The following TVP23B variants were observed in gnomAD, a reference collection of about 807,000 sequenced individuals.
TVP23B encodes the protein Golgi apparatus membrane protein TVP23 homolog B.
A neutral mutation model predicts 30.6 loss-of-function variants in TVP23B; 10 were observed. That is an observed-to-expected ratio of 0.33 (90% CI 0.20 to 0.55). The LOEUF (loss-of-function observed/expected upper bound fraction) is 0.55, where lower values mean the gene tolerates loss of function less well. TVP23B is among the 20% of genes least tolerant of loss of function. The probability of loss-of-function intolerance (pLI) is 0.91; values close to 1 mark genes in which losing one functional copy is unlikely to be tolerated. For missense variants in TVP23B, 153 were observed against 243.2 expected, an observed-to-expected ratio of 0.63 and a Z score of 2.47; for synonymous variants, 67 against 83.1, an observed-to-expected ratio of 0.81 and a Z score of 1.06.
rs532770025 is a variant in TVP23B, at chr17:18,781,529, C to G, written c.12+224C>G. On this transcript the variant is annotated intron_variant, in intron 1 of 6. Transcript: ENST00000307767. ...TGCGGCGCAGAGCAAGTACTTCTTG[C>G]GGCTGTGGGGACGCCCATTGTTAAC... 2,259 of 692,196 alleles carry G rather than the reference C, an allele frequency of 3.3e-3. 6 individuals carry two copies. The highest frequency in any genetic ancestry group is 4.4e-3 in the Non-Finnish European group (1,974 of 447,698). The allele number at this position is 692,196 out of a possible 1,614,324, so 42.9% of individuals were successfully genotyped here.
chr17:18,786,999 A>G (rs535135404), intron 1 of TVP23B, among the ~76,000 whole-genome samples: 28 of 149,010 alleles, frequency 1.9e-4, no homozygotes, highest in Admixed American at 4.0e-4. Flanking sequence ...GATCACAGTC[A>G]GCTGTATATT....
chr17:18,799,716 ATAT>A (rs2036128111), intron 5 of TVP23B, among the ~76,000 whole-genome samples: 1 of 151,958 alleles, frequency 6.6e-6, no homozygotes, highest in African/African-American at 2.4e-5. Flanking sequence ...TTTATATCTC[ATAT>A]TATTTTTTCT....
chr17:18,799,221 ACATAGTGGCTTAGAG>A (rs748799066), intron 5 of TVP23B: 1 of 115,848 alleles, frequency 8.6e-6, no homozygotes, highest in Non-Finnish European at 1.8e-5. Context: ...TCACTCCAAA[ACATAGTGGCTTAGAG>A]CAACAACAGC....
intron 1 of TVP23B, among the ~76,000 whole-genome samples, chr17:18,783,636 C>T: frequency 6.6e-6 from 1 of 152,088 alleles, no homozygotes; most frequent in African/African-American, 2.4e-5. Flanking sequence ...TGCCTAGTTG[C>T]ATGTTTACTC....
chr17:18,797,236 A>G (rs1261469267), intron 3 of TVP23B: 6 of 280,600 alleles, frequency 2.1e-5, no homozygotes, highest in Non-Finnish European at 3.5e-5. Context: ...ACATGTAGCT[A>G]TAGTCAGGAT....
At position 18,804,162 on chromosome 17, in the gene TVP23B, C is replaced by G. The variant is rs1442249944; in HGVS notation, c.487C>G (p.Leu163Val). 1.9e-6 allele frequency: 3 copies of G among 1,613,774 alleles called. No homozygotes were observed. In the Admixed American group the frequency reaches 5.0e-5, roughly 27 times the overall value. The change falls in exon 6 of 7, where the codon CTA becomes GTA. Residue 163 changes from leucine to valine, a missense_variant. By Grantham distance (32) the Leu-to-Val change is conservative. Transcript: ENST00000307767. ...GGCGGTGGTTATCATGGGTGTGGTG[C>G]TACAAGGTGCCAACCTGTATGGTTA... ...WLAVVIMGVV[L>V]QGANLYGYIR...
At chr17:18,787,272 A>G (rs2035921772) in intron 1 of TVP23B, among the ~76,000 whole-genome samples, 1 of 151,524 alleles carries the variant, frequency 6.6e-6, no homozygotes, top group African/African-American at 2.4e-5. Context: ...GCCGAGACAC[A>G]CTCCTGTAAT....
intron 3 of TVP23B, among the ~76,000 whole-genome samples, chr17:18,793,333 C>T (rs1410845340): frequency 1.3e-5 from 2 of 151,082 alleles, no homozygotes. Context: ...TATGGCTGGG[C>T]GCGGTGGCTC....
intron 6 of TVP23B, 21 bp from the exon 7 acceptor site, chr17:18,805,520 T>TC (rs1374142789): frequency 6.2e-7 from 1 of 1,601,426 alleles, no homozygotes; most frequent in Non-Finnish European, 8.5e-7. Context: ...TTAAGGAGTT[T>TC]TTTTTTTTTG....
intron 6 of TVP23B, 24 bp from the exon 7 acceptor site, chr17:18,805,517 G>GTTTTT (rs55974180): frequency 5.4e-6 from 8 of 1,491,564 alleles, no homozygotes; most frequent in African/African-American, 1.4e-5. Context: ...ATGTTAAGGA[G>GTTTTT]TTTTTTTTTT....
In TVP23B at chr17:18,804,342, T is replaced by C. The variant is rs548114486; in HGVS notation, c.591+76T>C. The C allele has an allele frequency of 2.1e-4, 314 of 1,490,660 alleles. 4 individuals are homozygous for C. The South Asian group carries it at 3.7e-3, about 18-fold the overall frequency. 92.3% of individuals were successfully genotyped at this position (1,490,660 alleles called of 1,614,324 possible). On this transcript the variant is annotated intron_variant, in intron 6 of 6. Transcript: ENST00000307767. ...TCATAGTTTAATTTTTATGAAACGC[T>C]CCTGAACAGAAGTTTTAAAGGCATA...
chr17:18,781,282 C>G lies in TVP23B; in HGVS notation c.-12C>G, dbSNP rs566408231. On this transcript the variant is annotated 5_prime_UTR_variant, in exon 1 of 7. Transcript: ENST00000307767. ...ACGTGGCTCCCGGAAGTAGGGCTGG[C>G]GTAGGGCCGCCATGTTGCAGCAGGT... 17 of 1,570,734 alleles carry G rather than the reference C, an allele frequency of 1.1e-5. No homozygotes were observed. The South Asian group carries it at 2.0e-4, about 18-fold the overall frequency.
At chr17:18,784,140 G>A (rs1281278803) in intron 1 of TVP23B, among the ~76,000 whole-genome samples, 15 of 107,998 alleles carry the variant, frequency 1.4e-4, no homozygotes, top group African/African-American at 4.5e-4. Flanking sequence ...GCCAGACTCC[G>A]TCTCAAAACA....
chr17:18,804,078 G>A (rs1233358028), intron 5 of TVP23B, 60 bp from the exon 6 acceptor site: 11 of 1,560,222 alleles, frequency 7.1e-6, no homozygotes, highest in Non-Finnish European at 9.6e-6. Context: ...TCTCATTTAT[G>A]GCACAGAGAA....
chr17:18,791,540 A>G (rs1190404499), intron 3 of TVP23B, among the ~76,000 whole-genome samples: 2 of 152,018 alleles, frequency 1.3e-5, no homozygotes, highest in East Asian at 1.9e-4. Flanking sequence ...CCCACTGAAT[A>G]TTTGTCAGTG....
At chr17:18,796,771 G>T (rs2036082762) in intron 3 of TVP23B, 1 of 152,080 alleles carries the variant, frequency 6.6e-6, no homozygotes, top group Non-Finnish European at 1.5e-5. Flanking sequence ...ACCCATCGAG[G>T]TTCACAGAAC....
chr17:18,800,633 G>GTT (rs994641052), intron 5 of TVP23B, among the ~76,000 whole-genome samples: 8 of 144,276 alleles, frequency 5.5e-5, no homozygotes, highest in South Asian at 2.2e-4. Flanking sequence ...CTCATAAGGT[G>GTT]TTTTTTTTTT....
intron 1 of TVP23B, 49 bp downstream of exon 1, chr17:18,781,354 T>C (rs2151840731): frequency 1.3e-6 from 2 of 1,560,956 alleles, no homozygotes; most frequent in South Asian, 1.2e-5. Context: ...TGGGACTGGC[T>C]CTGCAGGTTC....
intron 1 of TVP23B, chr17:18,781,536 G>A: frequency 1.5e-6 from 1 of 647,088 alleles, no homozygotes; most frequent in South Asian, 2.7e-5. Context: ...TTGCGGCTGT[G>A]GGGACGCCCA....
Sources: allele counts gnomAD v4.1 joint callset (sites outside exome capture counted in the v4.1 genomes callset), GRCh38; gene constraint gnomAD v4.1.1; transcripts MANE v1.5; gene names NCBI Gene and HGNC (gene_info 2026-07-23, HGNC 2026-07-21).